CCDC85A: variants seen among roughly 807,000 people sequenced by gnomAD.
The protein encoded by CCDC85A is coiled-coil domain containing 85A, also known as coiled-coil domain-containing protein 85A.
A neutral mutation model predicts 50.2 loss-of-function variants in CCDC85A; 38 were observed. The observed-to-expected ratio is 0.76, with a 90% confidence interval of 0.58 to 0.99. The LOEUF is 0.99. Ranked by LOEUF, CCDC85A falls within the 50% of genes least tolerant of loss-of-function variation. The pLI, the probability that CCDC85A is intolerant of heterozygous loss-of-function variation, is 0.00. For synonymous variants in CCDC85A, 366 were observed against 301.4 expected (o/e 1.21, Z -2.22); for missense variants, 820 against 742.0 (o/e 1.11, Z -1.22).
intron 1 of CCDC85A, among the ~76,000 whole-genome samples, chr2:56,186,546 G>A (rs749072631): frequency 5.9e-5 from 9 of 152,224 alleles, no homozygotes; most frequent in Non-Finnish European, 1.3e-4. Context: ...TTCTTAGGCA[G>A]AGCTGGACAA....
chr2:56,221,239 C>T (rs374491640), intron 2 of CCDC85A, among the ~76,000 whole-genome samples: 3 of 152,056 alleles, frequency 2.0e-5, no homozygotes, highest in Non-Finnish European at 2.9e-5. Flanking sequence ...AAATCATCAA[C>T]TGCCAATGCA....
intron 2 of CCDC85A, among the ~76,000 whole-genome samples, chr2:56,222,808 T>G (rs888307208): frequency 4.6e-5 from 7 of 152,102 alleles, no homozygotes; most frequent in Non-Finnish European, 1.0e-4. Context: ...TTCAAAATAA[T>G]GACAGTAGGA....
At chr2:56,363,869 C>CG (rs1675659002) in intron 3 of CCDC85A, among the ~76,000 whole-genome samples, 1 of 152,146 alleles carries the variant, frequency 6.6e-6, no homozygotes, top group Admixed American at 6.5e-5. Flanking sequence ...CCTTACGCTC[C>CG]GTGTCCTACT....
At chr2:56,275,999 C>G (rs1457696733) in intron 2 of CCDC85A, among the ~76,000 whole-genome samples, 1 of 152,168 alleles carries the variant, frequency 6.6e-6, no homozygotes, top group African/African-American at 2.4e-5. Context: ...TTTCCTCACC[C>G]TCTATAAGTA....
At chr2:56,341,488 CTG>C (rs1277726779) in intron 2 of CCDC85A, among the ~76,000 whole-genome samples, 1 of 152,134 alleles carries the variant, frequency 6.6e-6, no homozygotes, top group Non-Finnish European at 1.5e-5. Flanking sequence ...AAGTCTATTG[CTG>C]TGTACCTTTC....
chr2:56,370,683 A>C (rs1055998440), intron 3 of CCDC85A, among the ~76,000 whole-genome samples: 2 of 152,114 alleles, frequency 1.3e-5, no homozygotes, highest in African/African-American at 4.8e-5. Context: ...ATAGTAGCTA[A>C]ATGGCGCTCA....
chr2:56,209,149 C>T (rs191192295), intron 2 of CCDC85A, among the ~76,000 whole-genome samples: 2 of 152,124 alleles, frequency 1.3e-5, no homozygotes, highest in Non-Finnish European at 2.9e-5. Flanking sequence ...TATTCAGTCT[C>T]GATATGATAA....
chr2:56,350,487 G>A (rs1225056782), intron 3 of CCDC85A, among the ~76,000 whole-genome samples: 2 of 152,098 alleles, frequency 1.3e-5, no homozygotes, highest in Non-Finnish European at 2.9e-5. Flanking sequence ...TAAGGTAACA[G>A]GCTCATAGAA....
chr2:56,331,844 G>A (rs974815293), intron 2 of CCDC85A, among the ~76,000 whole-genome samples: 18 of 152,256 alleles, frequency 1.2e-4, no homozygotes, highest in African/African-American at 4.1e-4. Context: ...ATTATACAGG[G>A]CAACACATAG....
At chr2:56,276,999 C>G (rs1573156536) in intron 2 of CCDC85A, among the ~76,000 whole-genome samples, 1 of 152,174 alleles carries the variant, frequency 6.6e-6, no homozygotes, top group South Asian at 2.1e-4. Flanking sequence ...AAGATAGTCT[C>G]CCAATCCTCC....
intron 2 of CCDC85A, among the ~76,000 whole-genome samples, chr2:56,334,391 G>T (rs1471446166): frequency 6.6e-6 from 1 of 152,208 alleles, no homozygotes; most frequent in African/African-American, 2.4e-5. Flanking sequence ...ACTAGTCAGT[G>T]TTTGAGGGTT....
chr2:56,291,532 T>A (rs7355289), intron 2 of CCDC85A, among the ~76,000 whole-genome samples: 48,473 of 151,970 alleles, frequency 0.32, 8,958 homozygotes, highest in African/African-American at 0.51. Flanking sequence ...ATTTAAGCTG[T>A]AGATTTAAAG....
intron 2 of CCDC85A, among the ~76,000 whole-genome samples, chr2:56,250,847 C>T (rs1033354972): frequency 2.6e-5 from 4 of 152,154 alleles, no homozygotes; most frequent in African/African-American, 9.7e-5. Flanking sequence ...ATTTGAAAGA[C>T]TTTGGATACA....
At chr2:56,289,842 T>G (rs1189921013) in intron 2 of CCDC85A, among the ~76,000 whole-genome samples, 3 of 151,666 alleles carry the variant, frequency 2.0e-5, no homozygotes, top group Non-Finnish European at 4.4e-5. Context: ...ATTCTGGTCT[T>G]ATAAGAACAC....
chr2:56,297,756 C>T (rs779209927), intron 2 of CCDC85A, among the ~76,000 whole-genome samples: 7 of 152,128 alleles, frequency 4.6e-5, no homozygotes, highest in African/African-American at 9.7e-5. Context: ...GAGGTGATGT[C>T]GGGGACTTGG....
intron 2 of CCDC85A, among the ~76,000 whole-genome samples, chr2:56,305,017 C>T (rs1558632531): frequency 6.6e-6 from 1 of 150,922 alleles, no homozygotes; most frequent in African/African-American, 2.4e-5. Flanking sequence ...AGAAGAGAAT[C>T]GCTTGAACCC....
At chr2:56,290,125 A>G (rs1417920735) in intron 2 of CCDC85A, among the ~76,000 whole-genome samples, 4 of 152,074 alleles carry the variant, frequency 2.6e-5, no homozygotes, top group Admixed American at 6.6e-5. Flanking sequence ...TTATTCTTGC[A>G]TCAGTGCTGA....
chr2:56,333,328 A>G (rs1673908008), intron 2 of CCDC85A, among the ~76,000 whole-genome samples: 1 of 152,148 alleles, frequency 6.6e-6, no homozygotes, highest in Admixed American at 6.5e-5. Context: ...GGGACAGAGC[A>G]TTCCAGGAAG....
chr2:56,286,327 CT>C (rs974320514), intron 2 of CCDC85A, among the ~76,000 whole-genome samples: 2 of 152,004 alleles, frequency 1.3e-5, no homozygotes, highest in African/African-American at 4.8e-5. Context: ...TGTCTCTTTT[CT>C]TTTTCTGTCA....
Sources: allele counts gnomAD v4.1 joint callset (sites outside exome capture counted in the v4.1 genomes callset), GRCh38; gene constraint gnomAD v4.1.1; transcripts MANE v1.5; gene names NCBI Gene and HGNC (gene_info 2026-07-23, HGNC 2026-07-21).